Variants in SGSM3 observed in about 807,000 individuals in gnomAD.
SGSM3 encodes the protein RUN and SH3 containing 3.
A neutral mutation model predicts 100.5 loss-of-function variants in SGSM3; 96 were observed. The ratio of observed to expected loss-of-function variants is 0.96; its 90% CI spans 0.81 to 1.13. The LOEUF is 1.13. Ranked by LOEUF, SGSM3 falls within the 50% of genes most tolerant of loss-of-function variation. The pLI is 0.00. For synonymous variants in SGSM3, 483 were observed against 422.8 expected, an observed-to-expected ratio of 1.14 and a Z score of -1.75; for missense variants, 1,001 against 1,015.8, an observed-to-expected ratio of 0.99 and a Z score of 0.20.
intron 19 of SGSM3, 86 bp from the exon 20 acceptor site, chr22:40,409,164 G>A (rs891594164): frequency 6.4e-7 from 1 of 1,557,766 alleles, no homozygotes; most frequent in African/African-American, 1.4e-5. Context: ...GGGAGCTGCT[G>A]AGAGACAGGT....
At chr22:40,396,085 AT>A (rs1465315209) in intron 1 of SGSM3, among the ~76,000 whole-genome samples, 1 of 152,216 alleles carries the variant, frequency 6.6e-6, no homozygotes, top group East Asian at 1.9e-4. Flanking sequence ...TTTCTAAAAA[AT>A]GTTCATGTTT....
intron 1 of SGSM3, among the ~76,000 whole-genome samples, chr22:40,371,655 A>T (rs901497874): frequency 6.7e-6 from 1 of 149,906 alleles, no homozygotes; most frequent in African/African-American, 2.5e-5. Flanking sequence ...TTTTTACACT[A>T]TTTCTGTTCT....
At position 40,408,608 on chromosome 22, in the gene SGSM3, C is replaced by T; in HGVS notation, c.1783-19C>T. The T allele has an allele frequency of 6.2e-7, 1 of 1,613,450 alleles. No individual in the cohort carries two copies. Among genetic ancestry groups the T allele is most frequent in the Non-Finnish European group, 8.5e-7 (1 of 1,179,646 alleles). ...GCATCTTCCTGTCCCTGCACTCACA[C>T]CGTGTGCTGTCCCCACAGGCTGCAG... On this transcript the variant is annotated intron_variant, in intron 16 of 21. Coordinates refer to ENST00000248929, the MANE Select transcript of SGSM3 (RefSeq NM_015705.6).
chr22:40,380,625 A>T (rs912859662), intron 1 of SGSM3, among the ~76,000 whole-genome samples: 1 of 152,080 alleles, frequency 6.6e-6, no homozygotes, highest in African/African-American at 2.4e-5. Flanking sequence ...GGCGTGAGTC[A>T]CTGTGCCCAG....
At chr22:40,388,942 G>A (rs2048907443) in intron 1 of SGSM3, among the ~76,000 whole-genome samples, 1 of 152,160 alleles carries the variant, frequency 6.6e-6, no homozygotes, top group South Asian at 2.1e-4. Flanking sequence ...AACTTGGAGC[G>A]TGGCAAATTC....
intron 1 of SGSM3, among the ~76,000 whole-genome samples, chr22:40,398,022 C>T (rs1264481782): frequency 7.3e-6 from 1 of 136,150 alleles, no homozygotes; most frequent in Non-Finnish European, 1.5e-5. Context: ...GGCTGGAATG[C>T]AGTGGCGCCA....
chr22:40,406,907 C>T (rs536356361), intron 10 of SGSM3, 110 bp from the exon 11 acceptor site: 10 of 1,164,646 alleles, frequency 8.6e-6, no homozygotes, highest in South Asian at 2.6e-5. Flanking sequence ...GTTTTCAATT[C>T]TTGGAGCCAG....
chr22:40,409,124 G>GCTC, intron 19 of SGSM3, 106 bp downstream of exon 19: 1 of 1,551,498 alleles, frequency 6.4e-7, no homozygotes, highest in Non-Finnish European at 8.7e-7. Flanking sequence ...AACCTCAGGG[G>GCTC]CTCAGGTCCT....
At chr22:40,378,949 G>C (rs1240893896) in intron 1 of SGSM3, among the ~76,000 whole-genome samples, 1 of 151,652 alleles carries the variant, frequency 6.6e-6, no homozygotes, top group African/African-American at 2.4e-5. Flanking sequence ...TCTTTGTTTC[G>C]GACCTCTGCT....
rs116867660 is a variant in SGSM3, at chr22:40,379,699, A to G, written c.-112+9011A>G. ...TCTCTTTATTTCTTTGAACTTTGGTAGTATTTGTGGTCTCTGTTCTTATTA... is the reference window on the plus strand; with the variant it reads ...TCTCTTTATTTCTTTGAACTTTGGTGGTATTTGTGGTCTCTGTTCTTATTA... On this transcript the variant is annotated intron_variant, in intron 1 of 21. Coordinates refer to ENST00000248929, the MANE Select transcript of SGSM3 (RefSeq NM_015705.6). Among the ~76,000 whole-genome samples the G allele has an allele frequency of 2.0e-5, 3 of 152,080 alleles. No individual in the cohort carries two copies. In the East Asian group the frequency reaches 5.8e-4, roughly 29 times the overall value.
chr22:40,377,574 G>A (rs1003657273), intron 1 of SGSM3, among the ~76,000 whole-genome samples: 4 of 152,108 alleles, frequency 2.6e-5, no homozygotes, highest in African/African-American at 7.2e-5. Context: ...CGTGGCTCAC[G>A]CCTGTAATCC....
chr22:40,405,819 C>G lies in SGSM3; in HGVS notation c.789C>G (p.Asp263Glu), dbSNP rs1183781878. ...TTGTCCAGTACCTGCCTCGCCTGGA[C>G]AAGCTGCTCCAGGAGCATGACATTG... ...HLIVQYLPRL[D>E]KLLQEHDIEL... Residue 263 changes from aspartate to glutamate, a missense_variant, in exon 8 of 22, where the codon GAC (aspartate) becomes GAG (glutamate). Asp to Glu is a conservative substitution (Grantham distance 45, BLOSUM62 2). Coordinates refer to ENST00000248929, the MANE Select transcript of SGSM3 (RefSeq NM_015705.6). 1 of 1,612,500 alleles carries G rather than the reference C, an allele frequency of 6.2e-7. No homozygotes were observed. The highest frequency in any genetic ancestry group is 2.2e-5 in the East Asian group (1 of 44,846).
At chr22:40,405,017 A>C in intron 6 of SGSM3, 124 bp from the exon 7 acceptor site, 1 of 1,309,950 alleles carries the variant, frequency 7.6e-7, no homozygotes, top group Admixed American at 2.6e-5. Context: ...TGAAGGGAGG[A>C]GGGTGACCTT....
At chr22:40,372,980 A>G (rs2045883819) in intron 1 of SGSM3, 1 of 152,238 alleles carries the variant, frequency 6.6e-6, no homozygotes, top group Non-Finnish European at 1.5e-5. Flanking sequence ...TAGCACAATG[A>G]GTGTTACAGA....
In SGSM3 at chr22:40,406,125, G is replaced by T. The variant is rs376746554; in HGVS notation, c.862G>T (p.Val288Leu). Reference protein sequence around the residue: ...LHWFLTAFASVVDIKLLLRIW... With the variant: ...LHWFLTAFASLVDIKLLLRIW... ...CTGGTTCCTCACGGCCTTCGCCAGC[G>T]TGGTGGACATCAAGCTGCTCCTGCG... is the stretch of plus-strand genomic sequence containing the variant. The change falls in exon 9 of 22, where the codon GTG (valine) becomes TTG (leucine). Residue 288 changes from valine (V) to leucine (L), a missense_variant. Val to Leu is a conservative substitution (Grantham distance 32). Transcript: ENST00000248929. The T allele has an allele frequency of 6.2e-7, 1 of 1,614,134 alleles. No individual in the cohort carries two copies. Among genetic ancestry groups the T allele is most frequent in the South Asian group, 1.1e-5 (1 of 91,088 alleles).
intron 1 of SGSM3, among the ~76,000 whole-genome samples, chr22:40,374,351 CTG>C (rs2046172333): frequency 6.6e-6 from 1 of 152,194 alleles, no homozygotes; most frequent in Non-Finnish European, 1.5e-5. Flanking sequence ...TTGGTCTAGA[CTG>C]TAGTGTCAAG....
At position 40,407,949 on chromosome 22, in the gene SGSM3, C is replaced by A; in HGVS notation, c.1579+106C>A. ...CAAGCTGTTCTCCTCTATACACCTGCCTGGCTTGAGGTCCCTGAAGCAGCT... is the reference window on the plus strand; with the variant it reads ...CAAGCTGTTCTCCTCTATACACCTGACTGGCTTGAGGTCCCTGAAGCAGCT... On this transcript the variant is annotated intron_variant, in intron 14 of 21. Coordinates refer to ENST00000248929, the MANE Select transcript of SGSM3 (RefSeq NM_015705.6). This position sits in a 1 kb window ranked among gnomAD's most constrained non-coding sequence, Gnocchi z 4.7. 1 of 1,452,996 alleles carries A rather than the reference C, an allele frequency of 6.9e-7. No homozygotes were observed. The highest frequency in any genetic ancestry group is 9.5e-7 in the Non-Finnish European group (1 of 1,056,594). 90.0% of individuals were successfully genotyped at this position (1,452,996 alleles called of 1,614,324 possible). A position where few individuals can be genotyped will look rare whatever the true frequency, so the allele number is the denominator to read the frequency against.
intron 1 of SGSM3, among the ~76,000 whole-genome samples, chr22:40,383,141 A>G (rs759433990): frequency 3.9e-5 from 6 of 152,184 alleles, no homozygotes; most frequent in Non-Finnish European, 8.8e-5. Context: ...CAGTTTATAG[A>G]TAAGGCACCT....
rs2050827066 is a variant in SGSM3, at chr22:40,402,059, A to G, written c.91-80A>G. 17 of 1,105,264 alleles carry G rather than the reference A, an allele frequency of 1.5e-5. No individual in the cohort carries two copies. In the East Asian group the frequency reaches 4.0e-4, roughly 26 times the overall value. The allele number at this position is 1,105,264 out of a possible 1,614,324, so 68.5% of individuals were successfully genotyped here. ...AGGCTGGGTGGGATTTTAGCAGGCA[A>G]CCCTGTGGGTGGCATCTTTCAGACC... On this transcript the variant is annotated intron_variant, in intron 3 of 21. Transcript: ENST00000248929.
Sources: allele counts gnomAD v4.1 joint callset (sites outside exome capture counted in the v4.1 genomes callset), GRCh38; gene constraint gnomAD v4.1.1; non-coding constraint Gnocchi (gnomAD v3.1); transcripts MANE v1.5; gene names NCBI Gene and HGNC (gene_info 2026-07-23, HGNC 2026-07-21).